The following MARCHF8 variants were observed in gnomAD, a reference collection of about 807,000 sequenced individuals.
MARCHF8 encodes the protein membrane associated ring-CH-type finger 8, also known as E3 ubiquitin-protein ligase MARCHF8.
Under a neutral mutation model 51.6 loss-of-function variants are expected in MARCHF8, and 40 were observed. That is an observed-to-expected ratio of 0.77 (90% CI 0.60 to 1.01). The LOEUF is 1.01. Ranked by LOEUF, MARCHF8 falls within the 50% of genes least tolerant of loss-of-function variation. MARCHF8 has a pLI of 0.00. For synonymous variants in MARCHF8, 263 were observed against 280.3 expected, an observed-to-expected ratio of 0.94 and a Z score of 0.62; for missense variants, 685 against 708.6, an observed-to-expected ratio of 0.97 and a Z score of 0.38.
intron 2 of MARCHF8, among the ~76,000 whole-genome samples, chr10:45,512,333 C>T (rs1337440748): frequency 1.3e-5 from 2 of 151,378 alleles, no homozygotes; most frequent in Non-Finnish European, 3.0e-5. Flanking sequence ...GGCAGCCACC[C>T]CGTCCGGGAG....
At chr10:45,491,739 C>G (rs1252188873) in intron 2 of MARCHF8, among the ~76,000 whole-genome samples, 1 of 152,176 alleles carries the variant, frequency 6.6e-6, no homozygotes, top group Non-Finnish European at 1.5e-5. Context: ...CTACTGGTGA[C>G]TTACTATTAA....
chr10:45,581,995 A>G (rs527425880), intron 1 of MARCHF8, among the ~76,000 whole-genome samples: 1 of 152,274 alleles, frequency 6.6e-6, no homozygotes, highest in South Asian at 2.1e-4. Flanking sequence ...TCATTATTAT[A>G]ATTTGGTTAA....
intron 6 of MARCHF8, chr10:45,460,987 A>G: frequency 2.7e-6 from 1 of 372,208 alleles, no homozygotes; most frequent in Non-Finnish European, 4.8e-6. Context: ...TGACACCGAC[A>G]AGCAAGCAGT....
intron 1 of MARCHF8, among the ~76,000 whole-genome samples, chr10:45,564,004 G>C (rs1207146307): frequency 6.6e-6 from 1 of 152,166 alleles, no homozygotes; most frequent in Non-Finnish European, 1.5e-5. Context: ...GGCTAGGCGT[G>C]GTGTCTCACG....
chr10:45,549,712 G>C (rs2044172795), intron 1 of MARCHF8, among the ~76,000 whole-genome samples: 1 of 152,206 alleles, frequency 6.6e-6, no homozygotes, highest in East Asian at 1.9e-4. Context: ...CCTCACTAAT[G>C]GATTAATGCT....
At chr10:45,593,265 A>C (rs572216091) in intron 1 of MARCHF8, among the ~76,000 whole-genome samples, 8 of 152,130 alleles carry the variant, frequency 5.3e-5, no homozygotes, top group African/African-American at 1.9e-4. Context: ...GTTTCAGTAC[A>C]TCTCTTAAAA....
chr10:45,553,833 G>GCACACA (rs10597890), intron 1 of MARCHF8, among the ~76,000 whole-genome samples: 1 of 150,734 alleles, frequency 6.6e-6, no homozygotes, highest in African/African-American at 2.4e-5. Flanking sequence ...GCATGGACAT[G>GCACACA]CACACACACA....
intron 1 of MARCHF8, among the ~76,000 whole-genome samples, chr10:45,555,367 A>G (rs2044240450): frequency 6.6e-6 from 1 of 152,210 alleles, no homozygotes; most frequent in Non-Finnish European, 1.5e-5. Flanking sequence ...CAACATAGTG[A>G]GATCTATCAT....
chr10:45,565,336 T>C (rs2044353077), intron 1 of MARCHF8, among the ~76,000 whole-genome samples: 1 of 151,928 alleles, frequency 6.6e-6, no homozygotes, highest in Admixed American at 6.6e-5. Context: ...GAAACTGAGA[T>C]AGGAGGATCG....
intron 3 of MARCHF8, among the ~76,000 whole-genome samples, 161 bp downstream of exon 3, chr10:45,489,206 T>C (rs927110666): frequency 1.3e-5 from 2 of 151,264 alleles, no homozygotes; most frequent in Non-Finnish European, 2.9e-5. Flanking sequence ...ACCAGAAAAA[T>C]GTAACTGCCA....
At chr10:45,479,277 T>A (rs946236022) in intron 3 of MARCHF8, among the ~76,000 whole-genome samples, 6 of 152,118 alleles carry the variant, frequency 3.9e-5, no homozygotes, top group Non-Finnish European at 8.8e-5. Flanking sequence ...GAAAAGGCAT[T>A]TGGTAAAATT....
chr10:45,542,345 CAAAAAAAAAAAAAAA>C (rs60776762), intron 1 of MARCHF8, among the ~76,000 whole-genome samples: 3 of 48,982 alleles, frequency 6.1e-5, no homozygotes, highest in Non-Finnish European at 7.9e-5. Flanking sequence ...GACTTCGTCT[CAAAAAAAAAAAAAAA>C]AAAAAAAAAA....
At chr10:45,486,755 T>C (rs991708630) in intron 3 of MARCHF8, among the ~76,000 whole-genome samples, 12 of 151,486 alleles carry the variant, frequency 7.9e-5, no homozygotes, top group Admixed American at 2.6e-4. Flanking sequence ...TCCATGCAAA[T>C]GTTAATCCCA....
At chr10:45,488,853 G>A (rs1446033979) in intron 3 of MARCHF8, among the ~76,000 whole-genome samples, 1 of 152,082 alleles carries the variant, frequency 6.6e-6, no homozygotes, top group East Asian at 1.9e-4. Context: ...TTTGTCTCTT[G>A]TCTTTTATTC....
rs78522001 is a variant in MARCHF8, at chr10:45,497,283, C to T, written c.103-7866G>A. On this transcript the variant is annotated intron_variant, in intron 2 of 7. Transcript: ENST00000453424. ...TATAATAATTATAAATATATAAGCA[C>T]CTAATATGAAAACCACAAAATACAT... 3.8e-3 allele frequency among the ~76,000 whole-genome samples: 571 copies of T among 152,056 alleles called. 11 individuals carry two copies. The East Asian group carries it at 0.052, about 14-fold the overall frequency.
At chr10:45,559,023 G>C (rs1442873967) in intron 1 of MARCHF8, among the ~76,000 whole-genome samples, 1 of 152,038 alleles carries the variant, frequency 6.6e-6, no homozygotes, top group Admixed American at 6.6e-5. Flanking sequence ...AGAAAGAAAA[G>C]GTATAGTTTA....
intron 2 of MARCHF8, among the ~76,000 whole-genome samples, chr10:45,500,510 C>T (rs1207340646): frequency 6.6e-6 from 1 of 152,078 alleles, no homozygotes; most frequent in East Asian, 1.9e-4. Context: ...TGCTCCTGAT[C>T]TTAGAGGAAA....
intron 2 of MARCHF8, among the ~76,000 whole-genome samples, chr10:45,525,660 A>G (rs2043779988): frequency 6.6e-6 from 1 of 152,212 alleles, no homozygotes. Flanking sequence ...CCTGATAGTC[A>G]CTATATCAGC....
intron 1 of MARCHF8, among the ~76,000 whole-genome samples, chr10:45,558,001 A>C (rs1422554398): frequency 1.3e-5 from 2 of 152,232 alleles, no homozygotes; most frequent in African/African-American, 4.8e-5. Flanking sequence ...AGAAATGTCA[A>C]TGATCAGTAT....
Sources: allele counts gnomAD v4.1 joint callset (sites outside exome capture counted in the v4.1 genomes callset), GRCh38; gene constraint gnomAD v4.1.1; transcripts MANE v1.5; gene names NCBI Gene and HGNC (gene_info 2026-07-23, HGNC 2026-07-21).